Variants in ATF6 observed in about 807,000 individuals in gnomAD.
ATF6 encodes the protein cyclic AMP-dependent transcription factor ATF-6 alpha.
Under a neutral mutation model 83.6 loss-of-function variants are expected in ATF6, and 53 were observed. The ratio of observed to expected loss-of-function variants is 0.63; its 90% CI spans 0.51 to 0.80. The LOEUF is 0.80. ATF6 is among the 30% of genes least tolerant of loss of function. ATF6 has a pLI of 0.00. For missense variants in ATF6, 744 were observed against 797.9 expected, an observed-to-expected ratio of 0.93 and a Z score of 0.81; for synonymous variants, 288 against 285.8, an observed-to-expected ratio of 1.01 and a Z score of -0.08.
intron 14 of ATF6, among the ~76,000 whole-genome samples, chr1:161,877,378 A>G (rs1687237760): frequency 6.6e-6 from 1 of 152,154 alleles, no homozygotes; most frequent in Non-Finnish European, 1.5e-5. Context: ...TGCTCTCCTG[A>G]GACAGCGACA....
At chr1:161,793,906 CT>C (rs1684944262) in intron 6 of ATF6, among the ~76,000 whole-genome samples, 1 of 151,986 alleles carries the variant, frequency 6.6e-6, no homozygotes, top group Non-Finnish European at 1.5e-5. Context: ...TGCACCTTGC[CT>C]GTTTTTTTTC....
intron 1 of ATF6, among the ~76,000 whole-genome samples, chr1:161,769,078 A>G (rs974786087): frequency 2.0e-5 from 3 of 152,180 alleles, no homozygotes; most frequent in East Asian, 1.9e-4. Flanking sequence ...AAAGGTTCAG[A>G]TAGTAAATAT....
At chr1:161,831,855 T>TA (rs1434527686) in intron 9 of ATF6, among the ~76,000 whole-genome samples, 1 of 151,396 alleles carries the variant, frequency 6.6e-6, no homozygotes, top group African/African-American at 2.4e-5. Context: ...AATGGCGAGT[T>TA]AATGGGTGCA....
chr1:161,926,467 C>T (rs1262073135), intron 15 of ATF6, among the ~76,000 whole-genome samples: 5 of 152,160 alleles, frequency 3.3e-5, no homozygotes, highest in Non-Finnish European at 7.4e-5. Flanking sequence ...AGCAGGTGGC[C>T]TCTTTCTGGG....
chr1:161,772,173 T>G (rs1021682442), intron 1 of ATF6, among the ~76,000 whole-genome samples: 13 of 152,222 alleles, frequency 8.5e-5, no homozygotes, highest in African/African-American at 3.1e-4. Flanking sequence ...TTAAATACCA[T>G]GGACAGTCAT....
intron 12 of ATF6, among the ~76,000 whole-genome samples, chr1:161,856,433 G>A (rs1377338544): frequency 1.3e-5 from 2 of 152,178 alleles, no homozygotes; most frequent in Admixed American, 6.5e-5. Flanking sequence ...AAAAATTCAT[G>A]TCTGCCAAAG....
At chr1:161,842,547 A>G (rs6672690) in intron 9 of ATF6, among the ~76,000 whole-genome samples, 21,563 of 152,220 alleles carry the variant, frequency 0.14, 2,095 homozygotes, top group East Asian at 0.31. Flanking sequence ...AAAGGAATGA[A>G]TTAATAGCAT....
chr1:161,795,367 A>G (rs1684991300), intron 6 of ATF6, among the ~76,000 whole-genome samples: 1 of 152,200 alleles, frequency 6.6e-6, no homozygotes, highest in East Asian at 1.9e-4. Flanking sequence ...GCTTAAGTGC[A>G]TTATCTTATT....
rs566824371 is a variant in ATF6 at position 161,772,146 on chromosome 1, C to T, written c.82+5704C>T. On this transcript the variant is annotated intron_variant, in intron 1 of 15. Coordinates refer to ENST00000367942, the MANE Select transcript of ATF6 (RefSeq NM_007348.4). ...GTCTCTCATTCTCTTCAGTTCATCA[C>T]GTCCCTCTTACCCAGTTTAAATACC... 6.6e-5 allele frequency among the ~76,000 whole-genome samples: 10 copies of T among 152,288 alleles called. No homozygotes were observed. In the South Asian group the frequency reaches 1.0e-3, roughly 16 times the overall value.
chr1:161,853,147 T>A, intron 11 of ATF6, 77 bp from the exon 12 acceptor site: 1 of 1,044,784 alleles, frequency 9.6e-7, no homozygotes, highest in East Asian at 2.6e-5. Context: ...TTAGATTCAT[T>A]TCCACCCACA....
intron 14 of ATF6, among the ~76,000 whole-genome samples, chr1:161,880,070 C>T (rs546237560): frequency 6.6e-6 from 1 of 152,186 alleles, no homozygotes; most frequent in African/African-American, 2.4e-5. Context: ...GACTAATTGT[C>T]TTTATACAAA....
intron 14 of ATF6, among the ~76,000 whole-genome samples, chr1:161,880,282 A>G (rs1423839009): frequency 1.3e-5 from 2 of 152,064 alleles, no homozygotes; most frequent in African/African-American, 4.8e-5. Flanking sequence ...TAATTGACAT[A>G]TAATAAACTG....
chr1:161,919,249 A>G (rs984480375), intron 15 of ATF6, among the ~76,000 whole-genome samples: 8 of 152,248 alleles, frequency 5.3e-5, no homozygotes, highest in African/African-American at 1.9e-4. Flanking sequence ...AAATAAAAAT[A>G]GAATGCTAGG....
chr1:161,940,097 T>A (rs922033067), intron 15 of ATF6, among the ~76,000 whole-genome samples: 2 of 152,206 alleles, frequency 1.3e-5, no homozygotes, highest in South Asian at 2.1e-4. Flanking sequence ...CCCAAACTCC[T>A]ACCCATCTTA....
intron 3 of ATF6, 80 bp downstream of exon 3, chr1:161,782,079 G>C: frequency 1.0e-6 from 1 of 953,512 alleles, no homozygotes; most frequent in Non-Finnish European, 1.6e-6. Context: ...AATTAGGTGG[G>C]GTTATTGGGC....
At chr1:161,814,822 T>C (rs1423564630) in intron 7 of ATF6, among the ~76,000 whole-genome samples, 2 of 152,212 alleles carry the variant, frequency 1.3e-5, no homozygotes, top group African/African-American at 4.8e-5. Flanking sequence ...ATATTTAAAG[T>C]AGGATTGCCA....
intron 7 of ATF6, among the ~76,000 whole-genome samples, chr1:161,807,420 A>C (rs1296414043): frequency 6.6e-6 from 1 of 152,202 alleles, no homozygotes; most frequent in East Asian, 1.9e-4. Context: ...ATAAATAATG[A>C]ATAGGCACTT....
intron 15 of ATF6, among the ~76,000 whole-genome samples, chr1:161,957,085 A>C (rs1688981485): frequency 6.6e-6 from 1 of 152,144 alleles, no homozygotes; most frequent in Non-Finnish European, 1.5e-5. Flanking sequence ...GTTGTCCCAT[A>C]CATAACAATG....
intron 14 of ATF6, 40 bp downstream of exon 14, chr1:161,863,352 T>G (rs750562771): frequency 1.5e-6 from 2 of 1,322,942 alleles, no homozygotes; most frequent in Non-Finnish European, 2.2e-6. Flanking sequence ...TATTTTTGAG[T>G]GCTTGCCGTA....
Sources: allele counts gnomAD v4.1 joint callset (sites outside exome capture counted in the v4.1 genomes callset), GRCh38; gene constraint gnomAD v4.1.1; transcripts MANE v1.5; gene names NCBI Gene and HGNC (gene_info 2026-07-23, HGNC 2026-07-21).